TOM1L2: variants seen among roughly 807,000 people sequenced by gnomAD.
TOM1L2 encodes the protein TOM1-like protein 2.
Under a neutral mutation model 67.9 loss-of-function variants are expected in TOM1L2, and 31 were observed. That is an observed-to-expected ratio of 0.46 (90% CI 0.34 to 0.62). The LOEUF (loss-of-function observed/expected upper bound fraction) is 0.62, where lower values mean the gene tolerates loss of function less well. TOM1L2 is among the 20% of genes least tolerant of loss of function. The pLI, the probability that TOM1L2 is intolerant of heterozygous loss-of-function variation, is 0.01. For synonymous variants in TOM1L2, 256 were observed against 254.0 expected (o/e 1.01, Z -0.07); for missense variants, 606 against 663.5 (o/e 0.91, Z 0.95).
intron 1 of TOM1L2, among the ~76,000 whole-genome samples, chr17:17,958,458 G>A (rs948248487): frequency 2.0e-5 from 3 of 152,164 alleles, no homozygotes; most frequent in East Asian, 1.9e-4. Context: ...TCAAAAACAG[G>A]AGACTAACTT....
In TOM1L2 at chr17:17,861,513, G is replaced by C; in HGVS notation, c.1241C>G (p.Ala414Gly). The change falls in exon 12 of 15, where the codon GCT (alanine) becomes GGT (glycine). Residue 414 changes from alanine to glycine, a missense_variant. By Grantham distance (60) the Ala-to-Gly change is moderately conservative. Around this residue, in one of 2 missense-constraint regions of TOM1L2, gnomAD observed 543 missense variants for 554.0 expected, o/e 0.98. Coordinates refer to ENST00000379504, the MANE Select transcript of TOM1L2 (RefSeq NM_001082968.2). Reference protein sequence around the residue: ...YEDPQAVGGLASALDNRKQSS... With the variant: ...YEDPQAVGGLGSALDNRKQSS... ...CTGTTTTCGATTGTCTAGTGCAGAA[G>C]CAAGTCCTCCGACAGCCTGAGGATC... 6.2e-7 allele frequency: 1 copy of C among 1,614,150 alleles called. No individual in the cohort carries two copies. The highest frequency in any genetic ancestry group is 8.5e-7 in the Non-Finnish European group (1 of 1,180,012).
intron 1 of TOM1L2, among the ~76,000 whole-genome samples, chr17:17,966,923 C>G (rs149873726): frequency 6.6e-6 from 1 of 152,160 alleles, no homozygotes; most frequent in Non-Finnish European, 1.5e-5. Flanking sequence ...AAATTCCTGC[C>G]CTTGAACATC....
chr17:17,956,050 T>C (rs1486377028), intron 1 of TOM1L2, among the ~76,000 whole-genome samples: 2 of 152,090 alleles, frequency 1.3e-5, no homozygotes, highest in Non-Finnish European at 2.9e-5. Flanking sequence ...AGTGGACTCA[T>C]GGAGTAAGCA....
At chr17:17,902,617 CAG>C (rs1568218006) in intron 2 of TOM1L2, among the ~76,000 whole-genome samples, 1 of 152,240 alleles carries the variant, frequency 6.6e-6, no homozygotes, top group Non-Finnish European at 1.5e-5. Context: ...GGGCTGGACA[CAG>C]GGCCTGCAGG....
At chr17:17,861,098 T>C (rs984709418) in intron 12 of TOM1L2, among the ~76,000 whole-genome samples, 1 of 152,186 alleles carries the variant, frequency 6.6e-6, no homozygotes, top group Admixed American at 6.5e-5. Flanking sequence ...CAGGTGACCA[T>C]AGGAGACTTG....
intron 3 of TOM1L2, among the ~76,000 whole-genome samples, chr17:17,895,680 G>A (rs1172487146): frequency 1.3e-5 from 2 of 152,142 alleles, no homozygotes; most frequent in Admixed American, 6.6e-5. Flanking sequence ...CAGTCTCCTC[G>A]CCCACCTTGA....
intron 8 of TOM1L2, among the ~76,000 whole-genome samples, chr17:17,867,546 T>G (rs1294268554): frequency 2.0e-5 from 3 of 152,116 alleles, no homozygotes; most frequent in African/African-American, 7.2e-5. Flanking sequence ...GAAGGCCAGG[T>G]CATCCTCCTG....
At chr17:17,915,503 G>T (rs7222480) in intron 1 of TOM1L2, among the ~76,000 whole-genome samples, 83,857 of 151,490 alleles carry the variant, frequency 0.55, 25,579 homozygotes, top group East Asian at 0.94. Context: ...CAATTTTTTT[G>T]GCCCCTCACC....
rs554361020 is a variant in TOM1L2, at chr17:17,848,734, C to T, written c.1375+89G>A. On this transcript the variant is annotated intron_variant, in intron 14 of 14. Transcript: ENST00000379504. ...CTGGCACCAGTAGGTGCTCTGGCAG[C>T]GGGGGCTCCAAGATGATGGGGGCTG... 204 of 1,468,326 alleles carry T rather than the reference C, an allele frequency of 1.4e-4. 1 individual carries two copies. Among genetic ancestry groups the T allele is most frequent in the Admixed American group, 9.6e-4 (55 of 57,538 alleles). The allele number at this position is 1,468,326 out of a possible 1,614,324, so 91.0% of individuals were successfully genotyped here.
chr17:17,902,674 G>A (rs2038909767), intron 2 of TOM1L2, among the ~76,000 whole-genome samples: 1 of 152,246 alleles, frequency 6.6e-6, no homozygotes, highest in Middle Eastern at 3.2e-3. Context: ...CAGGGTAAGG[G>A]CAGTGAATCC....
At chr17:17,866,124 A>C (rs1219878860) in intron 10 of TOM1L2, among the ~76,000 whole-genome samples, 172 bp downstream of exon 10, 2 of 152,170 alleles carry the variant, frequency 1.3e-5, no homozygotes, top group African/African-American at 2.4e-5. Context: ...GGGGGAAAAA[A>C]GGTATGAATT....
intron 3 of TOM1L2, among the ~76,000 whole-genome samples, chr17:17,894,079 T>G (rs1348754175): frequency 6.6e-6 from 1 of 152,174 alleles, no homozygotes; most frequent in Non-Finnish European, 1.5e-5. Flanking sequence ...CAGTTTTGCA[T>G]GAGAAGGATG....
rs545352568 is a variant in TOM1L2, at chr17:17,900,042, T to A, written c.138-1368A>T. Among the ~76,000 whole-genome samples the A allele has an allele frequency of 8.6e-5, 13 of 152,016 alleles. 1 individual carries two copies. The South Asian group carries it at 2.5e-3, about 29-fold the overall frequency. On this transcript the variant is annotated intron_variant, in intron 2 of 14. Transcript: ENST00000379504. ...GCCTGGCCAACATGGTGAAACCCCG[T>A]CTTTACTGAAATATACAAAAATTAG...
chr17:17,850,878 A>G lies in TOM1L2; in HGVS notation c.1338+15T>C, dbSNP rs200964866. 1.9e-6 allele frequency: 3 copies of G among 1,613,906 alleles called. No homozygotes were observed. The highest frequency in any genetic ancestry group is 1.7e-5 in the Admixed American group (1 of 60,024). ...CTCCACACCCCACAGATGAAATAGAAAAGTCGAGTCTCACCAGGTCGGTCC... is the reference window on the plus strand; with the variant it reads ...CTCCACACCCCACAGATGAAATAGAGAAGTCGAGTCTCACCAGGTCGGTCC... On this transcript the variant is annotated intron_variant, in intron 13 of 14. Coordinates refer to ENST00000379504, the MANE Select transcript of TOM1L2 (RefSeq NM_001082968.2).
chr17:17,891,746 T>C (rs571503729), intron 4 of TOM1L2, among the ~76,000 whole-genome samples: 12 of 150,246 alleles, frequency 8.0e-5, no homozygotes, highest in Admixed American at 6.0e-4. Flanking sequence ...AGGGCTGTGG[T>C]AGAGTGGGGT....
chr17:17,914,366 G>C (rs1011392968), intron 1 of TOM1L2, among the ~76,000 whole-genome samples: 2 of 152,192 alleles, frequency 1.3e-5, no homozygotes, highest in African/African-American at 4.8e-5. Flanking sequence ...TCTCTAAACA[G>C]ATGTGCCTAC....
At chr17:17,861,044 G>A (rs544597773) in intron 12 of TOM1L2, among the ~76,000 whole-genome samples, 4 of 152,342 alleles carry the variant, frequency 2.6e-5, no homozygotes, top group African/African-American at 7.2e-5. Context: ...TCCTGGTGCA[G>A]GCCATGGTTT....
intron 1 of TOM1L2, among the ~76,000 whole-genome samples, chr17:17,910,488 A>C (rs1432820339): frequency 3.3e-5 from 5 of 152,170 alleles, no homozygotes; most frequent in African/African-American, 9.7e-5. Flanking sequence ...GCTTCTAGAG[A>C]GCACCAATAC....
chr17:17,855,310 C>G (rs1354546987), intron 12 of TOM1L2, among the ~76,000 whole-genome samples: 1 of 152,194 alleles, frequency 6.6e-6, no homozygotes, highest in East Asian at 1.9e-4. Flanking sequence ...GCCTCCAGGT[C>G]TGAGGAGGGA....
Sources: allele counts gnomAD v4.1 joint callset (sites outside exome capture counted in the v4.1 genomes callset), GRCh38; gene constraint gnomAD v4.1.1; regional missense constraint gnomAD v4.1.1; transcripts MANE v1.5; gene names NCBI Gene and HGNC (gene_info 2026-07-23, HGNC 2026-07-21).